GALNTL5: variants seen among roughly 807,000 people sequenced by gnomAD.
The protein encoded by GALNTL5 is polypeptide N-acetylgalactosaminyltransferase like 5, also known as inactive polypeptide N-acetylgalactosaminyltransferase-like protein 5.
A neutral mutation model predicts 51.0 loss-of-function variants in GALNTL5; 44 were observed. That is an observed-to-expected ratio of 0.86 (90% CI 0.68 to 1.11). The LOEUF (loss-of-function observed/expected upper bound fraction) is 1.11, where lower values mean the gene tolerates loss of function less well. GALNTL5 is among the 50% of genes least tolerant of loss of function. GALNTL5 has a pLI of 0.00. For missense variants in GALNTL5, 528 were observed against 531.8 expected (o/e 0.99, Z 0.07); for synonymous variants, 192 against 182.8 (o/e 1.05, Z -0.41).
intron 5 of GALNTL5, among the ~76,000 whole-genome samples, chr7:151,992,440 G>T (rs1015320957): frequency 1.2e-4 from 18 of 152,168 alleles, no homozygotes; most frequent in Non-Finnish European, 2.9e-5. Flanking sequence ...TCTGAGACCT[G>T]CAGGGGAGGC....
At chr7:151,956,696 C>G (rs76113232) in intron 1 of GALNTL5, 87 bp downstream of exon 1, 3,459 of 152,228 alleles carry the variant, frequency 0.023, 51 homozygotes, top group Non-Finnish European at 0.035. Flanking sequence ...AGCAGTACAT[C>G]AAATCACTGC....
chr7:151,969,562 C>T (rs998375454), intron 2 of GALNTL5, among the ~76,000 whole-genome samples: 1 of 151,928 alleles, frequency 6.6e-6, no homozygotes, highest in African/African-American at 2.4e-5. Context: ...GATCCCTCCC[C>T]GGTTCCTCAT....
At chr7:152,006,879 T>C (rs1163084669) in intron 6 of GALNTL5, among the ~76,000 whole-genome samples, 1 of 152,076 alleles carries the variant, frequency 6.6e-6, no homozygotes, top group Non-Finnish European at 1.5e-5. Flanking sequence ...GCGATTCTCA[T>C]GCCACAGTGT....
At chr7:151,998,562 A>G (rs1338927718) in intron 5 of GALNTL5, among the ~76,000 whole-genome samples, 1 of 152,186 alleles carries the variant, frequency 6.6e-6, no homozygotes, top group African/African-American at 2.4e-5. Context: ...ATTTGAAGTC[A>G]GAAGTTTGAG....
At chr7:152,000,262 A>G (rs2081554858) in intron 5 of GALNTL5, among the ~76,000 whole-genome samples, 1 of 152,238 alleles carries the variant, frequency 6.6e-6, no homozygotes. Flanking sequence ...CGGTAGGACT[A>G]TCTAGAAGAA....
intron 7 of GALNTL5, among the ~76,000 whole-genome samples, chr7:152,008,727 G>GTTGTTTGTTTGT (rs139916189): frequency 7.3e-5 from 11 of 151,034 alleles, no homozygotes; most frequent in African/African-American, 2.7e-4. Flanking sequence ...TGTTGTTTTT[G>GTTGTTTGTTTGT]TTGTTTGTTT....
intron 3 of GALNTL5, 37 bp downstream of exon 3, chr7:151,971,102 G>T: frequency 9.2e-7 from 1 of 1,082,208 alleles, no homozygotes; most frequent in South Asian, 1.4e-5. Context: ...TCTCTAGATA[G>T]ATAGATAGAT....
At chr7:152,004,994 G>A (rs1586848022) in intron 6 of GALNTL5, among the ~76,000 whole-genome samples, 1 of 152,128 alleles carries the variant, frequency 6.6e-6, no homozygotes, top group African/African-American at 2.4e-5. Flanking sequence ...TGGATTCAAT[G>A]GTAGTTCTAC....
intron 6 of GALNTL5, among the ~76,000 whole-genome samples, chr7:152,005,044 C>A (rs752606467): frequency 6.6e-6 from 1 of 152,192 alleles, no homozygotes; most frequent in Non-Finnish European, 1.5e-5. Flanking sequence ...TTTTCCACAG[C>A]GGTTGTACTA....
chr7:151,987,159 A>T lies in GALNTL5; in HGVS notation c.536A>T (p.Asp179Val). The change falls in exon 5 of 9, where the codon GAT (aspartate) becomes GTT (valine). Residue 179 changes from aspartate (D) to valine (V), a missense_variant and splice_region_variant. Coordinates refer to ENST00000392800, the MANE Select transcript of GALNTL5 (RefSeq NM_145292.4). ...IILVDDMSKV[D>V]DLKEKLDYHL... ...TCTCATGTGTTGAATATTTTTCCAGATGATTTGAAAGAAAAACTAGACTAT... is the reference window on the plus strand; with the variant it reads ...TCTCATGTGTTGAATATTTTTCCAGTTGATTTGAAAGAAAAACTAGACTAT... 1.3e-6 allele frequency: 2 copies of T among 1,586,262 alleles called. No individual in the cohort carries two copies. Among genetic ancestry groups the T allele is most frequent in the Non-Finnish European group, 1.7e-6 (2 of 1,170,202 alleles).
At chr7:151,995,384 TTTTTTTG>T in intron 5 of GALNTL5, 1 of 86,806 alleles carries the variant, frequency 1.2e-5, no homozygotes, top group Non-Finnish European at 2.1e-5. Flanking sequence ...TTTTTTTTTT[TTTTTTTG>T]CATGGGAGCG....
intron 8 of GALNTL5, among the ~76,000 whole-genome samples, chr7:152,016,263 G>T (rs774284130): frequency 3.3e-5 from 5 of 152,150 alleles, no homozygotes; most frequent in Admixed American, 2.0e-4. Flanking sequence ...AATTAGCCGG[G>T]CATCATGGCA....
At chr7:151,978,529 C>G (rs1207469223) in intron 3 of GALNTL5, among the ~76,000 whole-genome samples, 3 of 152,184 alleles carry the variant, frequency 2.0e-5, no homozygotes, top group Non-Finnish European at 4.4e-5. Context: ...TCAGCAAGAA[C>G]CCCAGTTGAG....
At chr7:151,976,450 C>G (rs1357252414) in intron 3 of GALNTL5, among the ~76,000 whole-genome samples, 4 of 152,122 alleles carry the variant, frequency 2.6e-5, no homozygotes, top group Non-Finnish European at 5.9e-5. Flanking sequence ...CCTCTGCTCT[C>G]TTTTGGTTTC....
intron 4 of GALNTL5, among the ~76,000 whole-genome samples, chr7:151,986,914 G>T (rs61386882): frequency 0.14 from 21,357 of 151,482 alleles, 2,466 homozygotes; most frequent in African/African-American, 0.3. Flanking sequence ...TTAGTAGAGA[G>T]GGGGTTTTCA....
intron 1 of GALNTL5, among the ~76,000 whole-genome samples, chr7:151,958,161 G>T (rs1007393770): frequency 1.3e-5 from 2 of 152,108 alleles, no homozygotes; most frequent in Non-Finnish European, 2.9e-5. Context: ...ACATTTCCCG[G>T]CTGGCAGCAC....
At chr7:152,017,391 A>G (rs1159063877) in intron 8 of GALNTL5, among the ~76,000 whole-genome samples, 5 of 152,238 alleles carry the variant, frequency 3.3e-5, no homozygotes. Context: ...CATTATGTAC[A>G]TGGTCAGGCG....
chr7:151,971,556 A>G (rs1007067743), intron 3 of GALNTL5, among the ~76,000 whole-genome samples: 4 of 152,220 alleles, frequency 2.6e-5, no homozygotes, highest in Admixed American at 2.6e-4. Context: ...CTTTAAATGT[A>G]CAATACAGAC....
intron 1 of GALNTL5, among the ~76,000 whole-genome samples, chr7:151,966,143 T>C (rs1393934776): frequency 1.3e-5 from 2 of 152,222 alleles, no homozygotes; most frequent in Non-Finnish European, 2.9e-5. Flanking sequence ...TTTTAGACTT[T>C]ACAGCAGTAG....
Sources: gnomAD v4.1 joint callset for allele counts (sites outside exome capture counted in the v4.1 genomes callset) on GRCh38, gnomAD v4.1.1 for gene constraint, MANE v1.5 for transcripts, NCBI Gene and HGNC (gene_info 2026-07-23, HGNC 2026-07-21) for gene names.